The following KCNN2 variants were observed in gnomAD, a reference collection of about 807,000 sequenced individuals.
KCNN2 encodes potassium calcium-activated channel subfamily N member 2.
A neutral mutation model predicts 55.5 loss-of-function variants in KCNN2; 24 were observed. That is an observed-to-expected ratio of 0.43 (90% CI 0.31 to 0.61). The LOEUF is 0.61. KCNN2 is among the 20% of genes least tolerant of loss of function. The pLI is 0.08. For synonymous variants in KCNN2, 431 were observed against 336.1 expected, an observed-to-expected ratio of 1.28 and a Z score of -3.09; for missense variants, 754 against 853.6, an observed-to-expected ratio of 0.88 and a Z score of 1.45.
chr5:114,298,717 T>C (rs1250449296), intron 2 of KCNN2, among the ~76,000 whole-genome samples: 1 of 152,194 alleles, frequency 6.6e-6, no homozygotes, highest in East Asian at 1.9e-4. Context: ...ATTTTGTTCT[T>C]TTTCAAATTT....
chr5:114,393,399 T>C (rs550463507), intron 2 of KCNN2, among the ~76,000 whole-genome samples: 1 of 152,304 alleles, frequency 6.6e-6, no homozygotes, highest in African/African-American at 2.4e-5. Flanking sequence ...GTGTACACTG[T>C]CATTCAGAAC....
rs1356820612 is a variant in KCNN2, at chr5:114,213,073, C to T, written c.-270-8407C>T. ...AAGAGATTACAAACTAATTTGAGACCACGAAACCAATGGAAAATTGATCAA... is the reference window on the plus strand; with the variant it reads ...AAGAGATTACAAACTAATTTGAGACTACGAAACCAATGGAAAATTGATCAA... On this transcript the variant is annotated intron_variant, in intron 1 of 10. Transcript: ENST00000512097. Among the ~76,000 whole-genome samples, 9 of 151,968 alleles carry T rather than the reference C, an allele frequency of 5.9e-5. No individual in the cohort carries two copies. In the South Asian group the frequency reaches 1.7e-3, roughly 28 times the overall value.
intron 4 of KCNN2, among the ~76,000 whole-genome samples, chr5:114,469,703 A>G (rs762403184): frequency 3.9e-5 from 6 of 152,226 alleles, no homozygotes; most frequent in Non-Finnish European, 1.5e-5. Flanking sequence ...CTGGGTGGAC[A>G]ATAATATTAT....
chr5:114,099,110 G>A (rs563540665), intron 1 of KCNN2, among the ~76,000 whole-genome samples: 1 of 152,230 alleles, frequency 6.6e-6, no homozygotes, highest in South Asian at 2.1e-4. Flanking sequence ...CATCAAATTT[G>A]ATGTGATAAG....
chr5:114,149,203 G>T (rs555753555), intron 1 of KCNN2, among the ~76,000 whole-genome samples: 1 of 152,162 alleles, frequency 6.6e-6, no homozygotes, highest in South Asian at 2.1e-4. Flanking sequence ...AATAACCCTG[G>T]AATAATACCA....
At position 114,379,605 on chromosome 5, in the gene KCNN2, T is replaced by A. The variant is rs56259275; in HGVS notation, c.1218+15604T>A. ...TATATTATATAACATATTATATATT[T>A]TAGAATATATTATATAACATATTAT... is the stretch of plus-strand genomic sequence containing the variant. On this transcript the variant is annotated intron_variant, in intron 2 of 7. Coordinates refer to ENST00000673685, the MANE Select transcript of KCNN2 (RefSeq NM_021614.4). Among the ~76,000 whole-genome samples the A allele has an allele frequency of 3.1e-3, 123 of 39,146 alleles. 5 individuals are homozygous for A. Among genetic ancestry groups the A allele is most frequent in the South Asian group, 0.02 (38 of 1,892 alleles). 25.7% of individuals were successfully genotyped at this position (39,146 alleles called of 152,430 possible).
At chr5:114,293,098 C>T (rs534450036) in intron 2 of KCNN2, among the ~76,000 whole-genome samples, 42 of 152,274 alleles carry the variant, frequency 2.8e-4, no homozygotes, top group African/African-American at 9.1e-4. Flanking sequence ...TGGGCTGAGA[C>T]AATGGGGTTT....
chr5:114,164,092 A>C (rs955973631), intron 1 of KCNN2, among the ~76,000 whole-genome samples: 1 of 152,202 alleles, frequency 6.6e-6, no homozygotes, highest in Non-Finnish European at 1.5e-5. Context: ...GCTATGTCTT[A>C]CAAGAAGGAT....
intron 2 of KCNN2, among the ~76,000 whole-genome samples, chr5:114,295,690 C>T (rs181965196): frequency 2.8e-3 from 424 of 152,202 alleles, no homozygotes; most frequent in Non-Finnish European, 4.3e-3. Context: ...AGCTCACGCA[C>T]GATGCACTAA....
intron 2 of KCNN2, among the ~76,000 whole-genome samples, chr5:114,381,040 A>G (rs572964587): frequency 1.6e-4 from 24 of 152,324 alleles, no homozygotes; most frequent in Non-Finnish European, 7.4e-5. Context: ...GTGTGGGGGC[A>G]GCCCTCCTTG....
chr5:114,082,119 C>T (rs2632128), intron 1 of KCNN2, among the ~76,000 whole-genome samples: 6,378 of 151,900 alleles, frequency 0.042, 445 homozygotes, highest in African/African-American at 0.14. Context: ...GAGGCCAAGG[C>T]GGGAGGATCA....
At chr5:114,493,379 C>T in intron 6 of KCNN2, 24 bp from the exon 7 acceptor site, 1 of 1,453,394 alleles carries the variant, frequency 6.9e-7, no homozygotes, top group Non-Finnish European at 9.7e-7. Flanking sequence ...GGGAACCTTT[C>T]TGATACCAGA....
At chr5:114,157,912 C>T (rs1486019653) in intron 1 of KCNN2, among the ~76,000 whole-genome samples, 1 of 150,880 alleles carries the variant, frequency 6.6e-6, no homozygotes, top group African/African-American at 2.4e-5. Flanking sequence ...AGCCCTTTGT[C>T]AGATGAGTAG....
intron 1 of KCNN2, among the ~76,000 whole-genome samples, chr5:114,058,829 C>T (rs955799934): frequency 1.3e-5 from 2 of 152,100 alleles, no homozygotes; most frequent in African/African-American, 4.8e-5. Flanking sequence ...TGCGTGGAGA[C>T]TGGACTATCG....
chr5:114,144,118 C>G (rs933760858), intron 1 of KCNN2, among the ~76,000 whole-genome samples: 3 of 152,312 alleles, frequency 2.0e-5, no homozygotes, highest in South Asian at 4.1e-4. Flanking sequence ...TTGCTTATGT[C>G]TAAACTTAAA....
intron 1 of KCNN2, among the ~76,000 whole-genome samples, chr5:114,099,333 G>A (rs1197537869): frequency 6.6e-6 from 1 of 152,090 alleles, no homozygotes; most frequent in African/African-American, 2.4e-5. Flanking sequence ...GAACTGAAAA[G>A]CGTTACTCCC....
chr5:114,338,708 A>G (rs542156306), intron 2 of KCNN2, among the ~76,000 whole-genome samples: 1 of 152,132 alleles, frequency 6.6e-6, no homozygotes, highest in East Asian at 1.9e-4. Context: ...GCTTTGGAAA[A>G]CTCAGCATTA....
chr5:114,230,450 C>T (rs959891449), intron 2 of KCNN2, among the ~76,000 whole-genome samples: 10 of 123,990 alleles, frequency 8.1e-5, no homozygotes, highest in Middle Eastern at 7.2e-3. Flanking sequence ...CACCCCACCA[C>T]AGTCCCCAGA....
chr5:114,486,881 A>G, intron 5 of KCNN2, 169 bp from the exon 6 acceptor site: 2 of 1,130,770 alleles, frequency 1.8e-6, no homozygotes, highest in South Asian at 1.5e-5. Flanking sequence ...AGGCAGGTAC[A>G]AGTACTTCTA....
Sources: allele counts gnomAD v4.1 joint callset (sites outside exome capture counted in the v4.1 genomes callset), GRCh38; gene constraint gnomAD v4.1.1; transcripts MANE v1.5; gene names NCBI Gene and HGNC (gene_info 2026-07-23, HGNC 2026-07-21).